The following SUSD5 variants were observed in gnomAD, a reference collection of about 807,000 sequenced individuals.
SUSD5 encodes sushi domain-containing protein 5.
SUSD5 carries 33 observed loss-of-function variants against 29.5 expected under a neutral mutation model. The observed-to-expected ratio is 1.12, with a 90% CI of 0.85 to 1.49. The LOEUF (loss-of-function observed/expected upper bound fraction) is 1.49, where lower values mean the gene tolerates loss of function less well. SUSD5 is among the 40% of genes most tolerant of loss of function. The probability of loss-of-function intolerance (pLI) is 0.00; values close to 1 mark genes in which losing one functional copy is unlikely to be tolerated. For missense variants in SUSD5, 776 were observed against 800.6 expected, an observed-to-expected ratio of 0.97 and a Z score of 0.37; for synonymous variants, 308 against 325.3, an observed-to-expected ratio of 0.95 and a Z score of 0.57.
At chr3:33,174,165 G>A (rs1446610523) in intron 4 of SUSD5, among the ~76,000 whole-genome samples, 1 of 152,194 alleles carries the variant, frequency 6.6e-6, no homozygotes, top group African/African-American at 2.4e-5. Context: ...AGGCCAGGGA[G>A]CAGAGCAAGG....
intron 3 of SUSD5, among the ~76,000 whole-genome samples, chr3:33,189,541 T>A (rs1305450204): frequency 1.3e-5 from 2 of 151,580 alleles, no homozygotes; most frequent in East Asian, 1.9e-4. Context: ...GGATTTGCTT[T>A]AAAATATCTC....
chr3:33,215,608 A>T (rs1436984288), intron 1 of SUSD5, among the ~76,000 whole-genome samples: 1 of 152,154 alleles, frequency 6.6e-6, no homozygotes, highest in African/African-American at 2.4e-5. Context: ...GTTTAGTATT[A>T]ATGCTTGTCC....
rs545021282 is a variant in SUSD5 at position 33,186,236 on chromosome 3, A to G, written c.410-11162T>C. On this transcript the variant is annotated intron_variant, in intron 3 of 4. Transcript: ENST00000309558. ...AGAATGGCGTGAACCCGGGAGGTGG[A>G]GCTTGCAGTGAGCCGAGATTGCGCC... Among the ~76,000 whole-genome samples the G allele has an allele frequency of 1.1e-4, 16 of 151,196 alleles. No individual in the cohort carries two copies. The East Asian group carries it at 3.2e-3, about 30-fold the overall frequency.
intron 4 of SUSD5, among the ~76,000 whole-genome samples, chr3:33,161,152 T>C (rs4234241): frequency 0.29 from 43,552 of 152,096 alleles, 7,025 homozygotes; most frequent in East Asian, 0.51. Context: ...GAGGCAGAGC[T>C]AAGTGAATGT....
intron 4 of SUSD5, among the ~76,000 whole-genome samples, chr3:33,165,072 G>A (rs928737656): frequency 1.3e-5 from 2 of 151,750 alleles, no homozygotes; most frequent in Admixed American, 6.6e-5. Flanking sequence ...AAACTCTAGA[G>A]GAATACATGT....
chr3:33,188,846 T>C (rs1400278159), intron 3 of SUSD5, among the ~76,000 whole-genome samples: 1 of 152,216 alleles, frequency 6.6e-6, no homozygotes, highest in Non-Finnish European at 1.5e-5. Flanking sequence ...TTGTCAACTT[T>C]AGATCTGTGC....
intron 4 of SUSD5, among the ~76,000 whole-genome samples, chr3:33,156,553 C>A (rs189706483): frequency 3.9e-5 from 6 of 152,292 alleles, no homozygotes; most frequent in South Asian, 2.1e-4. Flanking sequence ...AGCCCTTTGA[C>A]CTTCCCCTCT....
At chr3:33,213,030 AAGAG>A (rs1433175965) in intron 2 of SUSD5, among the ~76,000 whole-genome samples, 3 of 152,214 alleles carry the variant, frequency 2.0e-5, no homozygotes, top group Non-Finnish European at 4.4e-5. Flanking sequence ...GGTGGAGAAG[AAGAG>A]AGAAACTTAA....
At chr3:33,186,432 T>TC (rs901699533) in intron 3 of SUSD5, among the ~76,000 whole-genome samples, 1 of 151,090 alleles carries the variant, frequency 6.6e-6, no homozygotes, top group African/African-American at 2.4e-5. Context: ...TTTCTTTCTT[T>TC]TTTTTTTTTG....
At chr3:33,174,770 C>A in intron 4 of SUSD5, 116 bp downstream of exon 4, 1 of 1,206,128 alleles carries the variant, frequency 8.3e-7, no homozygotes, top group Non-Finnish European at 1.2e-6. Context: ...GGTCTGAAAG[C>A]CTCTTTTCAA....
chr3:33,163,047 T>C (rs7635223), intron 4 of SUSD5, among the ~76,000 whole-genome samples: 126,559 of 152,098 alleles, frequency 0.83, 53,228 homozygotes, highest in East Asian at 1. Flanking sequence ...TTAACAAAAC[T>C]GAATCTCTCC....
Position 33,152,774 on chromosome 3 carries a change from A to G in SUSD5, c.1858T>C (p.Tyr620His). 5.0e-6 allele frequency: 8 copies of G among 1,613,048 alleles called. No individual in the cohort carries two copies. Among genetic ancestry groups the G allele is most frequent in the Middle Eastern group, 1.7e-4 (1 of 6,056 alleles). Residue 620 changes from tyrosine to histidine, a missense_variant, in exon 5 of 5, where the codon TAC (tyrosine) becomes CAC (histidine). Transcript: ENST00000309558. ...LNVGQRQARH[Y>H]HQQIEMEKV ...TTCTCCATCTCGATCTGCTGGTGGT[A>G]GTGCCGAGCCTGCCGCTGGCCAACA...
At chr3:33,176,677 G>A (rs1231878125) in intron 3 of SUSD5, among the ~76,000 whole-genome samples, 1 of 152,102 alleles carries the variant, frequency 6.6e-6, no homozygotes, top group East Asian at 1.9e-4. Flanking sequence ...CCATACCCAA[G>A]GTCATTTAGG....
intron 3 of SUSD5, among the ~76,000 whole-genome samples, chr3:33,193,441 T>G (rs1169837787): frequency 6.6e-6 from 1 of 151,776 alleles, no homozygotes; most frequent in Non-Finnish European, 1.5e-5. Flanking sequence ...AACTACAAGG[T>G]GTTAGGGGTG....
intron 3 of SUSD5, among the ~76,000 whole-genome samples, chr3:33,178,395 A>G (rs2031595489): frequency 6.6e-6 from 1 of 151,732 alleles, no homozygotes; most frequent in Non-Finnish European, 1.5e-5. Flanking sequence ...ATTTTGTTGA[A>G]GATAATTGCA....
At chr3:33,202,460 A>G (rs750624479) in intron 3 of SUSD5, among the ~76,000 whole-genome samples, 16 of 152,200 alleles carry the variant, frequency 1.1e-4, no homozygotes, top group Non-Finnish European at 2.2e-4. Context: ...TTTAAGGGCA[A>G]TAGAGGCAAT....
At chr3:33,184,080 G>C (rs2031732086) in intron 3 of SUSD5, among the ~76,000 whole-genome samples, 1 of 151,470 alleles carries the variant, frequency 6.6e-6, no homozygotes, top group African/African-American at 2.4e-5. Flanking sequence ...TGGGACTACA[G>C]GCACACACCA....
At chr3:33,164,038 G>C (rs944274884) in intron 4 of SUSD5, among the ~76,000 whole-genome samples, 25 of 151,926 alleles carry the variant, frequency 1.6e-4, no homozygotes, top group African/African-American at 6.0e-4. Context: ...CCCGGGTGTG[G>C]TTGCAACTGC....
At chr3:33,168,088 G>A (rs2031342698) in intron 4 of SUSD5, among the ~76,000 whole-genome samples, 1 of 152,232 alleles carries the variant, frequency 6.6e-6, no homozygotes, top group African/African-American at 2.4e-5. Flanking sequence ...AAAAGTGCAG[G>A]CTGGCTTGTG....
Sources: gnomAD v4.1 joint callset for allele counts (sites outside exome capture counted in the v4.1 genomes callset) on GRCh38, gnomAD v4.1.1 for gene constraint, MANE v1.5 for transcripts, NCBI Gene and HGNC (gene_info 2026-07-23, HGNC 2026-07-21) for gene names.